HMGB1: variants seen among roughly 807,000 people sequenced by gnomAD.
The protein encoded by HMGB1 is high mobility group box 1, also known as high mobility group protein B1.
For synonymous variants in HMGB1, 81 were observed against 84.0 expected (o/e 0.96, Z 0.19); for missense variants, 79 against 253.5 (o/e 0.31, Z 4.67).
chr13:30,590,498 C>T (rs562446700), intron 1 of HMGB1, among the ~76,000 whole-genome samples: 23 of 152,156 alleles, frequency 1.5e-4, no homozygotes, highest in Non-Finnish European at 2.6e-4. Context: ...TCACCACGCC[C>T]GGCCTAAACT....
At chr13:30,468,260 ATTG>A (rs925004929), upstream of HMGB1, among the ~76,000 whole-genome samples, 2 of 151,934 alleles carry the variant, frequency 1.3e-5, no homozygotes, top group South Asian at 2.1e-4. Flanking sequence ...TGTTGTTGTT[ATTG>A]TTGTTGTTTG....
intron 1 of HMGB1, among the ~76,000 whole-genome samples, chr13:30,503,247 G>A (rs1302002656): frequency 6.6e-6 from 1 of 152,090 alleles, no homozygotes; most frequent in East Asian, 1.9e-4. Flanking sequence ...AGGAGGCTGA[G>A]GCAGGAGAAT....
intron 1 of HMGB1, among the ~76,000 whole-genome samples, chr13:30,518,974 T>C: frequency 6.6e-6 from 1 of 152,052 alleles, no homozygotes; most frequent in Admixed American, 6.6e-5. Context: ...TCCTCCTGCC[T>C]TGGCCTCCCA....
intron 1 of HMGB1, among the ~76,000 whole-genome samples, chr13:30,474,338 G>A (rs2137423156): frequency 6.6e-6 from 1 of 152,298 alleles, no homozygotes; most frequent in South Asian, 2.1e-4. Context: ...TTAACACCTT[G>A]TGAAAAAGAT....
intron 1 of HMGB1, among the ~76,000 whole-genome samples, chr13:30,538,483 TTTC>T (rs1229200675): frequency 3.0e-5 from 1 of 32,956 alleles, no homozygotes; most frequent in African/African-American, 9.1e-5. Flanking sequence ...TCTTTCTTTC[TTTC>T]TTTCTTTCTT....
rs76685938 is a variant in HMGB1 at position 30,512,858 on chromosome 13, C to T, written c.-14-49164G>A. On this transcript the variant is annotated intron_variant, in intron 1 of 4. Transcript: ENST00000405805. ...CCTGCATCCTTCAATACTGAGTGCA[C>T]GATTGTAAAACCACATGACTAGGGC... Among the ~76,000 whole-genome samples, 151 of 152,178 alleles carry T rather than the reference C, an allele frequency of 9.9e-4. 4 individuals carry two copies. In the East Asian group the frequency reaches 0.025, roughly 25 times the overall value.
At chr13:30,469,984 C>T (rs1164812192), upstream of HMGB1, among the ~76,000 whole-genome samples, 1 of 151,656 alleles carries the variant, frequency 6.6e-6, no homozygotes, top group East Asian at 1.9e-4. Flanking sequence ...CTCCATGTTG[C>T]CCAGGCTGGT....
At chr13:30,596,433 A>G (rs1871613412) in intron 1 of HMGB1, among the ~76,000 whole-genome samples, 1 of 152,212 alleles carries the variant, frequency 6.6e-6, no homozygotes, top group Non-Finnish European at 1.5e-5. Context: ...AATGCAAAAA[A>G]TGTCTCACCA....
At chr13:30,597,837 T>C (rs554036280) in intron 1 of HMGB1, among the ~76,000 whole-genome samples, 2 of 152,282 alleles carry the variant, frequency 1.3e-5, no homozygotes, top group South Asian at 4.1e-4. Context: ...ATTTGACTCA[T>C]AGCCTGACCC....
At chr13:30,534,138 G>A (rs1434798458) in intron 1 of HMGB1, among the ~76,000 whole-genome samples, 1 of 152,132 alleles carries the variant, frequency 6.6e-6, no homozygotes, top group African/African-American at 2.4e-5. Context: ...GATTATATGC[G>A]TGAGCCACCG....
intron 1 of HMGB1, among the ~76,000 whole-genome samples, chr13:30,471,476 T>G (rs558032856): frequency 1.3e-5 from 2 of 151,212 alleles, no homozygotes; most frequent in South Asian, 4.2e-4. Flanking sequence ...GCCTCCCAAG[T>G]AGCAGAGATT....
intron 1 of HMGB1, among the ~76,000 whole-genome samples, chr13:30,573,416 G>A (rs1870514851): frequency 2.0e-5 from 3 of 152,046 alleles, no homozygotes; most frequent in African/African-American, 7.2e-5. Flanking sequence ...TTTTTAATGT[G>A]AAAAAAATGA....
chr13:30,607,530 A>T (rs1365429417), intron 1 of HMGB1, among the ~76,000 whole-genome samples: 1 of 151,112 alleles, frequency 6.6e-6, no homozygotes, highest in South Asian at 2.1e-4. Flanking sequence ...GCCATGCAGA[A>T]ATGTGAGTCA....
intron 1 of HMGB1, chr13:30,554,792 A>G (rs1869603834): frequency 6.5e-6 from 5 of 765,926 alleles, no homozygotes; most frequent in Admixed American, 3.4e-5. Flanking sequence ...ACGAACAAAA[A>G]AGAAAAAGGC....
intron 1 of HMGB1, among the ~76,000 whole-genome samples, chr13:30,588,276 T>C (rs948539742): frequency 5.9e-5 from 9 of 152,108 alleles, no homozygotes; most frequent in Admixed American, 5.2e-4. Flanking sequence ...ATAACATAAT[T>C]TATAAATTAT....
intron 1 of HMGB1, among the ~76,000 whole-genome samples, chr13:30,537,652 C>CATATTAT (rs1491255988): frequency 1.6e-4 from 11 of 68,004 alleles, no homozygotes; most frequent in African/African-American, 4.1e-4. Context: ...CATTCTTGTT[C>CATATTAT]ATATATATAT....
intron 2 of HMGB1, 27 bp downstream of exon 2, chr13:30,463,503 CT>C: frequency 1.3e-6 from 2 of 1,594,526 alleles, no homozygotes; most frequent in Non-Finnish European, 1.7e-6. Context: ...TTTTAATTAC[CT>C]TGTTAGCATG....
At position 30,461,396 on chromosome 13, in the gene HMGB1, T is replaced by C. The variant is rs575166178; in HGVS notation, c.609A>G (p.Glu203=). The C allele has an allele frequency of 2.7e-5, 43 of 1,574,258 alleles. No individual in the cohort carries two copies. In the African/African-American group the frequency reaches 4.4e-4, roughly 16 times the overall value. ...CATCTTCTTCTTCATCTTCATCTTCTTCATCTTCCTCCTCCTCCTCATCCT... is the reference window on the plus strand; with the variant it reads ...CATCTTCTTCTTCATCTTCATCTTCCTCATCTTCCTCCTCCTCCTCATCCT... The part of the protein sequence containing the change: ...DEEDEEEEED[E]EDEDEEEDDD... The change falls in exon 5 of 5, where the codon GAA becomes GAG. Residue 203 remains glutamate, a synonymous_variant. Coordinates refer to ENST00000341423, the MANE Select transcript of HMGB1 (RefSeq NM_002128.7).
chr13:30,488,773 C>T (rs1039816505), intron 1 of HMGB1, among the ~76,000 whole-genome samples: 6 of 151,614 alleles, frequency 4.0e-5, no homozygotes, highest in Non-Finnish European at 8.8e-5. Flanking sequence ...CCTGCCTCAG[C>T]CTCCCAAAGT....
Sources: allele counts gnomAD v4.1 joint callset (sites outside exome capture counted in the v4.1 genomes callset), GRCh38; gene constraint gnomAD v4.1.1; transcripts MANE v1.5; gene names NCBI Gene and HGNC (gene_info 2026-07-23, HGNC 2026-07-21).